DNAH14: variants seen among roughly 807,000 people sequenced by gnomAD.
The protein encoded by DNAH14 is axonemal beta dynein heavy chain 14.
In DNAH14, 478 loss-of-function variants were observed where a neutral mutation model predicts 520.9. The ratio of observed to expected loss-of-function variants is 0.92; its 90% CI spans 0.85 to 0.99. The LOEUF (loss-of-function observed/expected upper bound fraction) is 0.99, where lower values mean the gene tolerates loss of function less well. Ranked by LOEUF, DNAH14 falls within the 50% of genes least tolerant of loss-of-function variation. The probability of loss-of-function intolerance (pLI) is 0.00; values close to 1 mark genes in which losing one functional copy is unlikely to be tolerated. For synonymous variants in DNAH14, 1,581 were observed against 1,757.2 expected, an observed-to-expected ratio of 0.90 and a Z score of 2.51; for missense variants, 4,831 against 5,234.5, an observed-to-expected ratio of 0.92 and a Z score of 2.38.
At chr1:225,219,185 A>AT (rs1559331493) in intron 41 of DNAH14, among the ~76,000 whole-genome samples, 1 of 152,226 alleles carries the variant, frequency 6.6e-6, no homozygotes, top group Non-Finnish European at 1.5e-5. Context: ...AGGGAAATGT[A>AT]TATCACTAAA....
At chr1:224,955,179 A>T (rs1453295382) in intron 3 of DNAH14, 81 bp downstream of exon 3, 2 of 1,421,400 alleles carry the variant, frequency 1.4e-6, no homozygotes, top group Non-Finnish European at 1.9e-6. Context: ...CATAGCATTA[A>T]ATTAAGGAAA....
At position 225,118,869 on chromosome 1, in the gene DNAH14, C is replaced by T. The variant is rs546000502; in HGVS notation, c.4092-351C>T. Among the ~76,000 whole-genome samples the T allele has an allele frequency of 1.4e-4, 19 of 132,568 alleles. No homozygotes were observed. The East Asian group carries it at 2.5e-3, about 18-fold the overall frequency. 87.0% of individuals were successfully genotyped at this position (132,568 alleles called of 152,430 possible). A position where few individuals can be genotyped will look rare whatever the true frequency, so the allele number is the denominator to read the frequency against. On this transcript the variant is annotated intron_variant, in intron 25 of 85. Transcript: ENST00000682510. The stretch of plus-strand genomic sequence containing the variant: ...TTGCACTCCAGCCTGGGTGACAGAA[C>T]GAGACTCTCTCTGTCTCAAAAAAAA...
chr1:224,976,117 A>G (rs1044011545), intron 8 of DNAH14, among the ~76,000 whole-genome samples: 1 of 151,886 alleles, frequency 6.6e-6, no homozygotes, highest in Non-Finnish European at 1.5e-5. Flanking sequence ...CTGATCTTTT[A>G]CATTTGCTGA....
At chr1:225,177,838 G>A (rs2083497378) in intron 36 of DNAH14, among the ~76,000 whole-genome samples, 1 of 152,174 alleles carries the variant, frequency 6.6e-6, no homozygotes, top group Non-Finnish European at 1.5e-5. Context: ...GAAATGTGGG[G>A]TTGAAGCCCC....
At chr1:225,011,532 T>C (rs2064741344) in intron 10 of DNAH14, among the ~76,000 whole-genome samples, 1 of 152,116 alleles carries the variant, frequency 6.6e-6, no homozygotes, top group Non-Finnish European at 1.5e-5. Flanking sequence ...AGTGAGGTGT[T>C]AAAGTCTCCC....
At chr1:225,384,018 G>A (rs768101792) in intron 81 of DNAH14, among the ~76,000 whole-genome samples, 1 of 152,146 alleles carries the variant, frequency 6.6e-6, no homozygotes, top group Non-Finnish European at 1.5e-5. Flanking sequence ...TCAGGAGCAG[G>A]ATGTTCAGTT....
intron 43 of DNAH14, among the ~76,000 whole-genome samples, chr1:225,245,983 G>A (rs2149673128): frequency 6.6e-6 from 1 of 151,598 alleles, no homozygotes; most frequent in East Asian, 1.9e-4. Flanking sequence ...GTACTACAAG[G>A]CTACAGTAAC....
chr1:225,085,853 T>C, intron 21 of DNAH14, 64 bp downstream of exon 21: 1 of 1,443,278 alleles, frequency 6.9e-7, no homozygotes, highest in Non-Finnish European at 9.1e-7. Context: ...ATTTCAATCT[T>C]TTGCGGTCTA....
intron 62 of DNAH14, 111 bp from the exon 63 acceptor site, chr1:225,324,111 C>A: frequency 7.3e-7 from 1 of 1,363,974 alleles, no homozygotes; most frequent in Non-Finnish European, 9.9e-7. Context: ...CCGCCGCCCC[C>A]GGCCTGAATA....
chr1:224,936,834 AATGAATTCAACAACAC>A (rs1432296286), intron 1 of DNAH14, among the ~76,000 whole-genome samples: 2 of 151,996 alleles, frequency 1.3e-5, no homozygotes, highest in African/African-American at 4.8e-5. Flanking sequence ...ATTCTAGCAA[AATGAATTCAACAACAC>A]ATTAAAAAAA....
At chr1:224,933,256 T>A (rs1478787661) in intron 1 of DNAH14, among the ~76,000 whole-genome samples, 1 of 152,178 alleles carries the variant, frequency 6.6e-6, no homozygotes, top group Non-Finnish European at 1.5e-5. Flanking sequence ...GAAATGCTAC[T>A]GATTTTTGTA....
chr1:225,383,884 A>C (rs186501975), intron 81 of DNAH14, among the ~76,000 whole-genome samples: 1 of 152,214 alleles, frequency 6.6e-6, no homozygotes, highest in Non-Finnish European at 1.5e-5. Flanking sequence ...TTAGTGCTAT[A>C]AATTTCCCCT....
chr1:225,380,418 T>C, intron 80 of DNAH14, 96 bp downstream of exon 80: 1 of 1,340,774 alleles, frequency 7.5e-7, no homozygotes, highest in South Asian at 1.6e-5. Flanking sequence ...AAAAATTCTG[T>C]AGAAGTGAAA....
chr1:225,250,178 A>T (rs2092479500), intron 43 of DNAH14, among the ~76,000 whole-genome samples: 1 of 152,248 alleles, frequency 6.6e-6, no homozygotes, highest in Admixed American at 6.5e-5. Context: ...TGTCTACACT[A>T]TTCTACATTC....
chr1:225,076,633 G>T (rs918206270), intron 17 of DNAH14, among the ~76,000 whole-genome samples: 3 of 152,088 alleles, frequency 2.0e-5, no homozygotes, highest in African/African-American at 7.2e-5. Context: ...TAAGAAAAAT[G>T]ATAAGTTTTG....
intron 52 of DNAH14, 129 bp from the exon 53 acceptor site, chr1:225,275,785 A>C (rs2093452141): frequency 5.8e-6 from 1 of 171,810 alleles, no homozygotes; most frequent in Non-Finnish European, 1.4e-5. Context: ...GCACAAAAAA[A>C]GTTAAGAACA....
rs372490758 is a variant in DNAH14 at position 224,965,028 on chromosome 1, G to A, written c.498+419G>A. On this transcript the variant is annotated intron_variant, in intron 5 of 85. Transcript: ENST00000682510. ...TCCCTGGTACCTGATTTTCTATCTC[G>A]TCTGGTCTGTATTTCCTTATGCTAT... Among the ~76,000 whole-genome samples, 177 of 152,088 alleles carry A rather than the reference G, an allele frequency of 1.2e-3. 1 individual carries two copies. The highest frequency in any genetic ancestry group is 8.3e-3 in the South Asian group (40 of 4,812).
intron 81 of DNAH14, among the ~76,000 whole-genome samples, chr1:225,383,166 C>T (rs1010759778): frequency 6.6e-6 from 1 of 152,112 alleles, no homozygotes; most frequent in East Asian, 1.9e-4. Context: ...CATTTGTACA[C>T]TTTAAATAAG....
chr1:224,994,924 C>T (rs147183439), intron 8 of DNAH14, among the ~76,000 whole-genome samples: 6 of 152,164 alleles, frequency 3.9e-5, no homozygotes, highest in African/African-American at 1.2e-4. Context: ...ACTTTGATTG[C>T]ATACAACAAT....
Sources: allele counts gnomAD v4.1 joint callset (sites outside exome capture counted in the v4.1 genomes callset), GRCh38; gene constraint gnomAD v4.1.1; transcripts MANE v1.5; gene names NCBI Gene and HGNC (gene_info 2026-07-23, HGNC 2026-07-21).